Variants in PPARGC1A observed in about 807,000 individuals in gnomAD.
The protein encoded by PPARGC1A is peroxisome proliferator-activated receptor gamma coactivator 1-alpha.
In PPARGC1A, 25 loss-of-function variants were observed where a neutral mutation model predicts 88.7. The observed-to-expected ratio is 0.28, with a 90% confidence interval of 0.21 to 0.39. The LOEUF is 0.39. Among genes scored for constraint, PPARGC1A ranks in the 10% least tolerant of loss-of-function variants. The probability of loss-of-function intolerance (pLI) is 1.00; values close to 1 mark genes in which losing one functional copy is unlikely to be tolerated. For synonymous variants in PPARGC1A, 363 were observed against 355.6 expected (o/e 1.02, Z -0.24); for missense variants, 880 against 968.7 (o/e 0.91, Z 1.22).
At chr4:23,919,262 T>G in the PPARGC1A span, among the ~76,000 whole-genome samples, 4 of 152,282 alleles carry the variant, frequency 2.6e-5, no homozygotes, top group African/African-American at 9.6e-5. Flanking sequence ...TTATAAATGG[T>G]AGTTTGTTTC....
chr4:24,100,089 T>G, the PPARGC1A span, among the ~76,000 whole-genome samples: 1 of 152,084 alleles, frequency 6.6e-6, no homozygotes, highest in Non-Finnish European at 1.5e-5. Context: ...ACCTGCATGT[T>G]GTGCACATGT....
chr4:24,424,467 G>A, the PPARGC1A span, among the ~76,000 whole-genome samples: 3 of 151,772 alleles, frequency 2.0e-5, no homozygotes, highest in African/African-American at 7.2e-5. Context: ...AGTAGAGACG[G>A]GGTTTCACCG....
the PPARGC1A span, among the ~76,000 whole-genome samples, chr4:24,384,406 G>A: frequency 2.0e-5 from 3 of 151,922 alleles, no homozygotes; most frequent in Non-Finnish European, 2.9e-5. Context: ...ATGTAAATGG[G>A]CTAAATGCCC....
the PPARGC1A span, among the ~76,000 whole-genome samples, chr4:24,213,218 G>C: frequency 4.7e-5 from 7 of 148,794 alleles, no homozygotes; most frequent in Non-Finnish European, 7.4e-5. Context: ...CCAGGCTGGA[G>C]TGCAGTGGCG....
the PPARGC1A span, among the ~76,000 whole-genome samples, chr4:24,164,352 C>G: frequency 9.7e-4 from 148 of 152,280 alleles, no homozygotes; most frequent in African/African-American, 3.3e-3. Flanking sequence ...CAATAAGCAG[C>G]ACAAACACAG....
chr4:24,226,654 A>G, the PPARGC1A span, among the ~76,000 whole-genome samples: 2 of 152,360 alleles, frequency 1.3e-5, no homozygotes, highest in East Asian at 3.9e-4. Flanking sequence ...AAGGTAACAC[A>G]GAAGTCCTGG....
chr4:23,955,060 G>A, the PPARGC1A span, among the ~76,000 whole-genome samples: 1 of 151,994 alleles, frequency 6.6e-6, no homozygotes, highest in African/African-American at 2.4e-5. Flanking sequence ...TTCTTTTAAA[G>A]GAAAGTTATA....
chr4:23,935,187 C>T, the PPARGC1A span, among the ~76,000 whole-genome samples: 1 of 152,190 alleles, frequency 6.6e-6, no homozygotes, highest in African/African-American at 2.4e-5. Context: ...GTAGGGTGAG[C>T]AGGATCAAGC....
chr4:24,033,387 A>C, the PPARGC1A span, among the ~76,000 whole-genome samples: 4 of 144,240 alleles, frequency 2.8e-5, no homozygotes, highest in Non-Finnish European at 6.0e-5. Context: ...AGGGATAAAC[A>C]GATACATAGA....
the PPARGC1A span, among the ~76,000 whole-genome samples, chr4:24,148,201 C>A: frequency 1.3e-5 from 2 of 152,186 alleles, no homozygotes; most frequent in African/African-American, 4.8e-5. Flanking sequence ...CTTTCCTGAT[C>A]TCACAACCAA....
intron 2 of PPARGC1A, among the ~76,000 whole-genome samples, chr4:23,867,563 C>T (rs1270908051): frequency 3.3e-5 from 5 of 152,274 alleles, no homozygotes; most frequent in Admixed American, 1.3e-4. Flanking sequence ...TCCATATAGT[C>T]AATTGTACTA....
the PPARGC1A span, among the ~76,000 whole-genome samples, chr4:24,339,237 T>TACATACAC: frequency 9.6e-6 from 1 of 104,266 alleles, no homozygotes; most frequent in Non-Finnish European, 1.9e-5. Context: ...TATATATATA[T>TACATACAC]ACACACACAC....
At chr4:24,387,868 G>GAAA in the PPARGC1A span, among the ~76,000 whole-genome samples, 6 of 80,608 alleles carry the variant, frequency 7.4e-5, 1 homozygote, top group African/African-American at 1.4e-4. Flanking sequence ...AAGAGAGAAA[G>GAAA]GAAGAAAGAG....
At chr4:24,215,118 C>T in the PPARGC1A span, among the ~76,000 whole-genome samples, 2 of 152,192 alleles carry the variant, frequency 1.3e-5, no homozygotes, top group Non-Finnish European at 2.9e-5. Context: ...ACCGCTCTTG[C>T]TCTCCTCTGA....
chr4:24,125,975 G>A, the PPARGC1A span, among the ~76,000 whole-genome samples: 13 of 152,060 alleles, frequency 8.5e-5, no homozygotes, highest in Non-Finnish European at 1.2e-4. Context: ...AACTCCTGGC[G>A]GGCTTTGAAA....
the PPARGC1A span, among the ~76,000 whole-genome samples, chr4:24,356,539 A>T: frequency 0.38 from 57,282 of 152,026 alleles, 11,141 homozygotes; most frequent in Non-Finnish European, 0.41. Context: ...CACACATAAT[A>T]CTTTTAAGTG....
At chr4:23,967,650 C>T in the PPARGC1A span, among the ~76,000 whole-genome samples, 2 of 152,154 alleles carry the variant, frequency 1.3e-5, no homozygotes, top group East Asian at 3.9e-4. Flanking sequence ...ATCTGAACCT[C>T]CAAAGTCATT....
the PPARGC1A span, among the ~76,000 whole-genome samples, chr4:24,282,733 C>T: frequency 3.3e-5 from 5 of 152,350 alleles, no homozygotes; most frequent in East Asian, 1.9e-4. Context: ...GTGAGGTCTC[C>T]CTCAGCCATG....
At chr4:24,240,750 T>C in the PPARGC1A span, among the ~76,000 whole-genome samples, 1 of 152,172 alleles carries the variant, frequency 6.6e-6, no homozygotes, top group Non-Finnish European at 1.5e-5. Flanking sequence ...GGAATGTAGC[T>C]AGTCAGATAT....
Sources: allele counts gnomAD v4.1 joint callset (sites outside exome capture counted in the v4.1 genomes callset), GRCh38; gene constraint gnomAD v4.1.1; transcripts MANE v1.5; gene names NCBI Gene and HGNC (gene_info 2026-07-23, HGNC 2026-07-21).